The following FAM227B variants were observed in gnomAD, a reference collection of about 807,000 sequenced individuals.
FAM227B encodes the protein protein FAM227B.
In FAM227B, 88 loss-of-function variants were observed where a neutral mutation model predicts 73.8. That is an observed-to-expected ratio of 1.19 (90% CI 1.00 to 1.42). The LOEUF is 1.42. Ranked by LOEUF, FAM227B falls within the 40% of genes most tolerant of loss-of-function variation. The probability of loss-of-function intolerance (pLI) is 0.00; values close to 1 mark genes in which losing one functional copy is unlikely to be tolerated. For synonymous variants in FAM227B, 210 were observed against 190.5 expected (o/e 1.10, Z -0.84); for missense variants, 632 against 590.9 (o/e 1.07, Z -0.72).
intron 13 of FAM227B, chr15:49,353,690 G>C (rs557042496): frequency 6.9e-6 from 1 of 144,730 alleles, no homozygotes; most frequent in East Asian, 2.0e-4. Flanking sequence ...TATTCACTTC[G>C]CCCAGAGTAT....
intron 8 of FAM227B, among the ~76,000 whole-genome samples, chr15:49,569,583 A>C (rs2074942195): frequency 6.6e-6 from 1 of 152,034 alleles, no homozygotes; most frequent in South Asian, 2.1e-4. Flanking sequence ...GAAATGATTA[A>C]ATCAAGCTAC....
chr15:49,525,051 G>A (rs943305404), intron 10 of FAM227B, among the ~76,000 whole-genome samples: 1 of 152,156 alleles, frequency 6.6e-6, no homozygotes, highest in Admixed American at 6.5e-5. Context: ...GCTGAAATGA[G>A]TTAAGACTTT....
intron 5 of FAM227B, 27 bp from the exon 6 acceptor site, chr15:49,577,691 T>C: frequency 7.0e-7 from 1 of 1,422,338 alleles, no homozygotes; most frequent in Non-Finnish European, 9.7e-7. Context: ...ATAAACTCTT[T>C]AAAACTCTAA....
chr15:49,376,727 C>T (rs2046187318), intron 11 of FAM227B, among the ~76,000 whole-genome samples: 1 of 151,954 alleles, frequency 6.6e-6, no homozygotes, highest in South Asian at 2.1e-4. Flanking sequence ...TTAAATATTC[C>T]AATACATTAG....
At chr15:49,458,376 T>G (rs1174707488) in intron 11 of FAM227B, among the ~76,000 whole-genome samples, 1 of 152,080 alleles carries the variant, frequency 6.6e-6, no homozygotes, top group Non-Finnish European at 1.5e-5. Context: ...TCACTTAAAC[T>G]CATAAACATG....
At chr15:49,343,819 A>C (rs1362546199) in intron 13 of FAM227B, 2 of 152,238 alleles carry the variant, frequency 1.3e-5, no homozygotes, top group East Asian at 1.9e-4. Context: ...AGATCTGATC[A>C]TACTACACAA....
At chr15:49,568,375 A>G in intron 8 of FAM227B, 29 bp from the exon 9 acceptor site, 1 of 1,538,288 alleles carries the variant, frequency 6.5e-7, no homozygotes, top group East Asian at 2.3e-5. Flanking sequence ...ATTAAAGTCA[A>G]TATTACAATT....
intron 8 of FAM227B, among the ~76,000 whole-genome samples, chr15:49,568,581 T>C (rs578140064): frequency 6.6e-6 from 1 of 152,174 alleles, no homozygotes; most frequent in Non-Finnish European, 1.5e-5. Context: ...GTAGGTAATA[T>C]ATACTTATCT....
intron 11 of FAM227B, among the ~76,000 whole-genome samples, chr15:49,384,848 T>G (rs1567188915): frequency 6.6e-6 from 1 of 152,026 alleles, no homozygotes; most frequent in Non-Finnish European, 1.5e-5. Flanking sequence ...TCTTTATAAT[T>G]ACTTTGACAA....
At chr15:49,441,213 C>A (rs541009626) in intron 11 of FAM227B, among the ~76,000 whole-genome samples, 2 of 151,754 alleles carry the variant, frequency 1.3e-5, no homozygotes, top group Non-Finnish European at 3.0e-5. Context: ...CCTCACCAAA[C>A]AATACTGCCA....
intron 11 of FAM227B, among the ~76,000 whole-genome samples, chr15:49,507,685 C>G (rs2058680915): frequency 6.6e-6 from 1 of 151,770 alleles, no homozygotes; most frequent in East Asian, 1.9e-4. Context: ...ATTGGTATTT[C>G]AAGTAGGCTC....
At chr15:49,584,980 C>T (rs532470871) in intron 5 of FAM227B, among the ~76,000 whole-genome samples, 18 of 151,990 alleles carry the variant, frequency 1.2e-4, no homozygotes, top group African/African-American at 4.3e-4. Context: ...ACAATGAACT[C>T]AAACAAATTA....
chr15:49,443,162 TTTG>T (rs2051832942), intron 11 of FAM227B, among the ~76,000 whole-genome samples: 1 of 151,666 alleles, frequency 6.6e-6, no homozygotes, highest in African/African-American at 2.4e-5. Context: ...TTTCAAAAAT[TTTG>T]TTAACTTATT....
At chr15:49,363,780 T>G (rs2044655967) in intron 13 of FAM227B, among the ~76,000 whole-genome samples, 2 of 152,162 alleles carry the variant, frequency 1.3e-5, no homozygotes, top group African/African-American at 4.8e-5. Context: ...TATTTTGAAG[T>G]ATGTTCCTTC....
At chr15:49,359,392 G>GA (rs2043772117) in intron 13 of FAM227B, among the ~76,000 whole-genome samples, 1 of 118,344 alleles carries the variant, frequency 8.4e-6, no homozygotes, top group Non-Finnish European at 1.8e-5. Context: ...AAATTTACAA[G>GA]AAAAAAACAA....
chr15:49,615,598 C>T (rs1013431899), intron 1 of FAM227B, among the ~76,000 whole-genome samples: 2 of 152,158 alleles, frequency 1.3e-5, no homozygotes, highest in African/African-American at 4.8e-5. Context: ...CACCTTCTGC[C>T]ATGATTGTAA....
At chr15:49,511,811 T>C (rs766291259) in intron 10 of FAM227B, among the ~76,000 whole-genome samples, 1 of 152,160 alleles carries the variant, frequency 6.6e-6, no homozygotes, top group Non-Finnish European at 1.5e-5. Flanking sequence ...TGCATAGCAT[T>C]CCATGGTGTA....
chr15:49,506,294 A>G (rs907670535), intron 11 of FAM227B, among the ~76,000 whole-genome samples: 14 of 152,052 alleles, frequency 9.2e-5, no homozygotes, highest in Non-Finnish European at 2.1e-4. Context: ...TCTCTGTCAC[A>G]TATTCTTTAT....
intron 11 of FAM227B, among the ~76,000 whole-genome samples, chr15:49,393,423 G>T (rs1383055814): frequency 6.6e-6 from 1 of 152,212 alleles, no homozygotes; most frequent in Non-Finnish European, 1.5e-5. Flanking sequence ...TTTACTGTAA[G>T]TCAGACTTCT....
Sources: gnomAD v4.1 joint callset for allele counts (sites outside exome capture counted in the v4.1 genomes callset) on GRCh38, gnomAD v4.1.1 for gene constraint, MANE v1.5 for transcripts, NCBI Gene and HGNC (gene_info 2026-07-23, HGNC 2026-07-21) for gene names.